Variants in HMGN5 observed in about 807,000 individuals in gnomAD.
The protein encoded by HMGN5 is high mobility group nucleosome binding domain 5.
Under a neutral mutation model 9.5 loss-of-function variants are expected in HMGN5, and 4 were observed. The ratio of observed to expected loss-of-function variants is 0.42; its 90% CI spans 0.21 to 0.96. The LOEUF (loss-of-function observed/expected upper bound fraction) is 0.96, where lower values mean the gene tolerates loss of function less well. HMGN5 is among the 40% of genes least tolerant of loss of function. HMGN5 has a pLI of 0.30. For synonymous variants in HMGN5, 55 were observed against 57.1 expected, an observed-to-expected ratio of 0.96 and a Z score of 0.16; for missense variants, 192 against 187.5, an observed-to-expected ratio of 1.02 and a Z score of -0.14.
chrX:81,166,715 A>C (rs1459310691), intron 1 of HMGN5, among the ~76,000 whole-genome samples: 1 of 111,517 alleles, frequency 9.0e-6, no homozygotes, highest in Non-Finnish European at 1.9e-5. Context: ...TAAGGTCCCA[A>C]ACCACTTGGG....
intron 1 of HMGN5, among the ~76,000 whole-genome samples, chrX:81,184,222 G>A (rs1442346878): frequency 9.0e-6 from 1 of 111,708 alleles, no homozygotes; most frequent in Non-Finnish European, 1.9e-5. Context: ...CCCTCCTGGA[G>A]CTGTCATCAC....
At chrX:81,134,764 G>T (rs1007719757) in intron 1 of HMGN5, among the ~76,000 whole-genome samples, 1 of 111,643 alleles carries the variant, frequency 9.0e-6, no homozygotes, top group African/African-American at 3.2e-5. Context: ...AGTGGCATAG[G>T]GCGAGACTTG....
chrX:81,165,047 C>T (rs902341542), intron 1 of HMGN5, among the ~76,000 whole-genome samples: 4 of 111,241 alleles, frequency 3.6e-5, no homozygotes, highest in Non-Finnish European at 7.6e-5. Flanking sequence ...ATCTGGGAGA[C>T]AGCATGATAT....
chrX:81,144,189 C>T (rs776637164), intron 1 of HMGN5, among the ~76,000 whole-genome samples: 6 of 111,290 alleles, frequency 5.4e-5, no homozygotes, highest in Non-Finnish European at 9.4e-5. Flanking sequence ...CCCTAACCCC[C>T]GTGTATCCTG....
intron 1 of HMGN5, among the ~76,000 whole-genome samples, chrX:81,122,561 G>C (rs769948779): frequency 9.8e-5 from 11 of 112,027 alleles, no homozygotes; most frequent in African/African-American, 3.6e-4. Flanking sequence ...AGTCACGCAA[G>C]TGCAGGGTAT....
rs1332638894 is a variant in HMGN5 at position 81,143,229 on chromosome X, C to A, written c.-123-21557G>T. 1.6e-4 allele frequency among the ~76,000 whole-genome samples: 18 copies of A among 111,251 alleles called. No individual in the cohort carries two copies. In the Admixed American group the frequency reaches 1.7e-3, roughly 11 times the overall value. ...AAGGAGAGAAAGAAAGAAGAGAACACCAAGAAACAACCAGAAAACAAATAA... is the reference window on the plus strand; with the variant it reads ...AAGGAGAGAAAGAAAGAAGAGAACAACAAGAAACAACCAGAAAACAAATAA... On this transcript the variant is annotated intron_variant, in intron 1 of 6. Transcript: ENST00000358130.
chrX:81,196,599 C>T (rs986517245), intron 1 of HMGN5, among the ~76,000 whole-genome samples: 7 of 109,566 alleles, frequency 6.4e-5, no homozygotes, highest in Non-Finnish European at 9.5e-5. Context: ...TGTCGCCAGG[C>T]TGGAGTTCAG....
At chrX:81,195,051 T>C (rs755569382) in intron 1 of HMGN5, 2 of 111,313 alleles carry the variant, frequency 1.8e-5, no homozygotes, top group Non-Finnish European at 3.8e-5. Flanking sequence ...CAGGGTTTTC[T>C]AGAGGGACAG....
chrX:81,140,332 G>A (rs5959075), intron 1 of HMGN5, among the ~76,000 whole-genome samples: 1,432 of 110,451 alleles, frequency 0.013, 21 homozygotes, highest in African/African-American at 0.044. Flanking sequence ...AGGCCGAGGC[G>A]GGCGGATCAC....
chrX:81,185,779 G>T (rs751511741), intron 1 of HMGN5, among the ~76,000 whole-genome samples: 8 of 111,309 alleles, frequency 7.2e-5, no homozygotes, highest in Admixed American at 6.7e-4. Context: ...CTATGTAAAG[G>T]TATGTTGCTT....
At chrX:81,153,549 G>GCC (rs2075371811) in intron 1 of HMGN5, among the ~76,000 whole-genome samples, 1 of 11,748 alleles carries the variant, frequency 8.5e-5, no homozygotes, top group African/African-American at 3.8e-4. Context: ...GCGAAACTCT[G>GCC]CCTCTCTCTC....
chrX:81,131,980 A>G (rs1241344938), intron 1 of HMGN5, among the ~76,000 whole-genome samples: 2 of 111,742 alleles, frequency 1.8e-5, no homozygotes, highest in African/African-American at 3.3e-5. Flanking sequence ...ATCTCAGCCA[A>G]AAAGCTACTT....
At chrX:81,139,320 G>A (rs921838191) in intron 1 of HMGN5, among the ~76,000 whole-genome samples, 1 of 111,601 alleles carries the variant, frequency 9.0e-6, no homozygotes, top group Non-Finnish European at 1.9e-5. Context: ...ATCAATGAAG[G>A]GTAGTCTTTT....
chrX:81,161,789 A>G (rs1185732977), intron 1 of HMGN5, among the ~76,000 whole-genome samples: 2 of 111,403 alleles, frequency 1.8e-5, no homozygotes, highest in Non-Finnish European at 3.8e-5. Flanking sequence ...GGATACACCT[A>G]GTAAACTTGA....
chrX:81,172,400 C>T (rs905894750), intron 1 of HMGN5, among the ~76,000 whole-genome samples: 89 of 110,021 alleles, frequency 8.1e-4, no homozygotes, highest in African/African-American at 2.8e-3. Context: ...AAAATAAGTC[C>T]TATTAGTTTG....
intron 1 of HMGN5, among the ~76,000 whole-genome samples, chrX:81,129,509 T>C (rs1212292384): frequency 9.0e-6 from 1 of 111,267 alleles, no homozygotes; most frequent in Non-Finnish European, 1.9e-5. Flanking sequence ...TAGTGATATT[T>C]TTTTCTAGAG....
intron 1 of HMGN5, among the ~76,000 whole-genome samples, chrX:81,165,958 G>T (rs1360190489): frequency 9.0e-6 from 1 of 111,200 alleles, no homozygotes; most frequent in African/African-American, 3.3e-5. Flanking sequence ...ATTAGGATCA[G>T]AACAGGAGTT....
At chrX:81,146,630 C>G (rs1341782366) in intron 1 of HMGN5, among the ~76,000 whole-genome samples, 2 of 111,367 alleles carry the variant, frequency 1.8e-5, no homozygotes, top group African/African-American at 6.5e-5. Flanking sequence ...TAGCAGAAGA[C>G]AAGAAATAAC....
intron 1 of HMGN5, among the ~76,000 whole-genome samples, chrX:81,127,338 G>A (rs1219456507): frequency 9.0e-6 from 1 of 111,234 alleles, no homozygotes; most frequent in African/African-American, 3.3e-5. Context: ...ATCAGTTTTC[G>A]GTGTAGTCCA....
Sources: allele counts gnomAD v4.1 joint callset (sites outside exome capture counted in the v4.1 genomes callset), GRCh38; gene constraint gnomAD v4.1.1; transcripts MANE v1.5; gene names NCBI Gene and HGNC (gene_info 2026-07-23, HGNC 2026-07-21).